The following CYP20A1 variants were observed in gnomAD, a reference collection of about 807,000 sequenced individuals.
CYP20A1 encodes the protein cytochrome P450 family 20 subfamily A member 1.
In CYP20A1, 61 loss-of-function variants were observed where a neutral mutation model predicts 61.4. The ratio of observed to expected loss-of-function variants is 0.99; its 90% CI spans 0.81 to 1.23. CYP20A1 has a LOEUF of 1.23. Ranked by LOEUF, CYP20A1 falls within the 50% of genes most tolerant of loss-of-function variation. The probability of loss-of-function intolerance (pLI) is 0.00; values close to 1 mark genes in which losing one functional copy is unlikely to be tolerated. For synonymous variants in CYP20A1, 193 were observed against 188.2 expected (o/e 1.03, Z -0.21); for missense variants, 530 against 542.4 (o/e 0.98, Z 0.23).
rs1180209709 is a variant in CYP20A1, at chr2:203,301,482, T to C, written c.*4574T>C. Among the ~76,000 whole-genome samples the C allele has an allele frequency of 1.3e-5, 2 of 151,968 alleles. No individual in the cohort carries two copies. Among genetic ancestry groups the C allele is most frequent in the Admixed American group, 1.3e-4 (2 of 15,214 alleles). The stretch of plus-strand genomic sequence containing the variant: ...GACAGGGTCTCCCTGCGTCGCCCAG[T>C]CTTGTCTCAAACTCCTAGGCTCAAG... On this transcript the variant is annotated 3_prime_UTR_variant, in exon 13 of 13. Transcript: ENST00000356079.
intron 8 of CYP20A1, among the ~76,000 whole-genome samples, chr2:203,281,952 T>A (rs528659292): frequency 6.6e-6 from 1 of 152,270 alleles, no homozygotes; most frequent in Non-Finnish European, 1.5e-5. Context: ...AAATTTTTCT[T>A]CTTTAACATA....
In CYP20A1 at chr2:203,266,688, C is replaced by T; in HGVS notation, c.600+7C>T. 1 of 1,611,664 alleles carries T rather than the reference C, an allele frequency of 6.2e-7. No individual in the cohort carries two copies. Among genetic ancestry groups the T allele is most frequent in the South Asian group, 1.1e-5 (1 of 90,980 alleles). On this transcript the variant is annotated splice_region_variant and intron_variant, in intron 5 of 12. Transcript: ENST00000356079. ...CCAGAAGAATCATGGCACAGTAAGT[C>T]TGGGGCTAAATTTAAAATTACTCTT...
At chr2:203,285,144 A>C (rs1489167031) in intron 8 of CYP20A1, among the ~76,000 whole-genome samples, 1 of 152,070 alleles carries the variant, frequency 6.6e-6, no homozygotes, top group Admixed American at 6.6e-5. Flanking sequence ...TCACAAGTAA[A>C]TATTTTAGAA....
At chr2:203,253,541 C>A (rs1370643800) in intron 4 of CYP20A1, among the ~76,000 whole-genome samples, 1 of 152,124 alleles carries the variant, frequency 6.6e-6, no homozygotes, top group Non-Finnish European at 1.5e-5. Context: ...GATTCACATC[C>A]AAAAAACTAA....
chr2:203,254,922 C>T (rs1465137249), intron 4 of CYP20A1, among the ~76,000 whole-genome samples: 3 of 150,442 alleles, frequency 2.0e-5, no homozygotes, highest in South Asian at 4.2e-4. Context: ...ACCTGGGAGG[C>T]GGAGGTTGCA....
rs376437549 is a variant in CYP20A1, at chr2:203,266,528, A to G, written c.447A>G (p.Leu149=). 51 of 1,613,834 alleles carry G rather than the reference A, an allele frequency of 3.2e-5. No homozygotes were observed. In the Middle Eastern group the frequency reaches 4.9e-4, roughly 16 times the overall value. ...TTCTCTTTCAGCTTTCAGAAGAATTATTAGATAAATGGCTCTCCTACCCAG... is the reference window on the plus strand; with the variant it reads ...TTCTCTTTCAGCTTTCAGAAGAATTGTTAGATAAATGGCTCTCCTACCCAG... The part of the protein sequence containing the change: ...FALLLKLSEE[L]LDKWLSYPET... Residue 149 remains leucine (L), a synonymous_variant, in exon 5 of 13, where the codon TTA becomes TTG. Coordinates refer to ENST00000356079, the MANE Select transcript of CYP20A1 (RefSeq NM_177538.3).
Position 203,285,750 on chromosome 2 carries a change from A to G in CYP20A1, c.971+18A>G. 1 of 1,538,708 alleles carries G rather than the reference A, an allele frequency of 6.5e-7. No individual in the cohort carries two copies. Among genetic ancestry groups the G allele is most frequent in the Non-Finnish European group, 8.7e-7 (1 of 1,153,776 alleles). ...CAGCTCAGGTAAGAACACAATAAAAAGAGGAGATTATTAAAAGGTAAATTT... is the reference window on the plus strand; with the variant it reads ...CAGCTCAGGTAAGAACACAATAAAAGGAGGAGATTATTAAAAGGTAAATTT... On this transcript the variant is annotated intron_variant, in intron 9 of 12. Coordinates refer to ENST00000356079, the MANE Select transcript of CYP20A1 (RefSeq NM_177538.3).
rs1380527415 is a variant in CYP20A1, at chr2:203,301,684, C to T, written c.*4776C>T. Among the ~76,000 whole-genome samples the T allele has an allele frequency of 6.6e-6, 1 of 152,044 alleles. No individual in the cohort carries two copies. On this transcript the variant is annotated 3_prime_UTR_variant, in exon 13 of 13. Transcript: ENST00000356079. ...GAAAATTAAAAAAACTTACATAGTG[C>T]TTATTTGGCCCACAAAAGTACAGTT...
chr2:203,294,941 ATTTTTTTTTTTTTTT>A (rs1167546590), intron 11 of CYP20A1, among the ~76,000 whole-genome samples: 1 of 45,434 alleles, frequency 2.2e-5, no homozygotes, highest in Non-Finnish European at 3.9e-5. Context: ...CTTTAAAAAA[ATTTTTTTTTTTTTTT>A]TTTTTTTTTT....
At chr2:203,250,421 G>T (rs1194329508) in intron 3 of CYP20A1, among the ~76,000 whole-genome samples, 2 of 152,128 alleles carry the variant, frequency 1.3e-5, no homozygotes, top group East Asian at 3.9e-4. Flanking sequence ...TAAGTTACTT[G>T]CCTAAGGTCA....
In CYP20A1 at chr2:203,299,489, A is replaced by G. The variant is rs1202110204; in HGVS notation, c.*2581A>G. ...TGTCATTTATTGGTAAATACCTAAC[A>G]TTTTAGACCTAGTCATTACCAGTTA... On this transcript the variant is annotated 3_prime_UTR_variant, in exon 13 of 13. Transcript: ENST00000356079. 6.6e-6 allele frequency among the ~76,000 whole-genome samples: 1 copy of G among 152,132 alleles called. No homozygotes were observed. The highest frequency in any genetic ancestry group is 2.4e-5 in the African/African-American group (1 of 41,448).
intron 4 of CYP20A1, among the ~76,000 whole-genome samples, chr2:203,262,688 G>T (rs111973262): frequency 0.032 from 4,821 of 151,540 alleles, 269 homozygotes; most frequent in African/African-American, 0.11. Context: ...TGTTGTTGTT[G>T]TTTGTTTTTT....
chr2:203,250,886 A>G (rs939156271), intron 3 of CYP20A1, among the ~76,000 whole-genome samples: 4 of 151,816 alleles, frequency 2.6e-5, no homozygotes, highest in African/African-American at 9.7e-5. Flanking sequence ...AACACGGTGA[A>G]ACCCCATCTC....
At chr2:203,255,102 T>C (rs2066847565) in intron 4 of CYP20A1, among the ~76,000 whole-genome samples, 1 of 152,168 alleles carries the variant, frequency 6.6e-6, no homozygotes, top group Non-Finnish European at 1.5e-5. Context: ...CCCACCAGCA[T>C]TGCCATCACC....
At chr2:203,262,714 G>A (rs995204146) in intron 4 of CYP20A1, among the ~76,000 whole-genome samples, 1 of 151,280 alleles carries the variant, frequency 6.6e-6, no homozygotes, top group Non-Finnish European at 1.5e-5. Flanking sequence ...TTTTTGAGAC[G>A]GAGTCTTACT....
intron 4 of CYP20A1, among the ~76,000 whole-genome samples, chr2:203,261,049 A>T (rs967155546): frequency 6.6e-6 from 1 of 151,698 alleles, no homozygotes; most frequent in Non-Finnish European, 1.5e-5. Context: ...AAGGCATATA[A>T]TTATTTGAAC....
chr2:203,266,419 T>G, intron 4 of CYP20A1, 95 bp from the exon 5 acceptor site: 1 of 1,103,410 alleles, frequency 9.1e-7, no homozygotes, highest in East Asian at 2.4e-5. Context: ...GTTACAGAGT[T>G]TAACTGTTTG....
At chr2:203,250,116 G>A (rs977730564) in intron 3 of CYP20A1, among the ~76,000 whole-genome samples, 13 of 152,178 alleles carry the variant, frequency 8.5e-5, no homozygotes, top group Admixed American at 7.2e-4. Flanking sequence ...ATATCTTAAG[G>A]AGTTGATCCA....
chr2:203,281,361 G>A (rs778935254), intron 8 of CYP20A1, among the ~76,000 whole-genome samples: 1 of 152,006 alleles, frequency 6.6e-6, no homozygotes, highest in Non-Finnish European at 1.5e-5. Context: ...TCAAAAATTA[G>A]CCAGGCCTGG....
Sources: allele counts gnomAD v4.1 joint callset (sites outside exome capture counted in the v4.1 genomes callset), GRCh38; gene constraint gnomAD v4.1.1; transcripts MANE v1.5; gene names NCBI Gene and HGNC (gene_info 2026-07-23, HGNC 2026-07-21).